MED13L: variants seen among roughly 807,000 people sequenced by gnomAD.
The protein encoded by MED13L is mediator of RNA polymerase II transcription subunit 13-like.
A neutral mutation model predicts 220.9 loss-of-function variants in MED13L; 7 were observed. The ratio of observed to expected loss-of-function variants is 0.03; its 90% CI spans 0.02 to 0.06. MED13L has a LOEUF of 0.06. MED13L is among the 10% of genes least tolerant of loss of function. The probability of loss-of-function intolerance (pLI) is 1.00; values close to 1 mark genes in which losing one functional copy is unlikely to be tolerated. For missense variants in MED13L, 1,965 were observed against 2,760.5 expected (o/e 0.71, Z 6.46); for synonymous variants, 1,011 against 1,015.2 (o/e 1.00, Z 0.08).
chr12:116,179,524 G>A (rs375288233), intron 2 of MED13L, among the ~76,000 whole-genome samples: 4 of 151,368 alleles, frequency 2.6e-5, no homozygotes, highest in Admixed American at 6.6e-5. Context: ...GGCTGAGGCC[G>A]GAGAAGCACG....
At chr12:116,002,921 T>TA in intron 14 of MED13L, 82 bp downstream of exon 14, 1 of 1,129,328 alleles carries the variant, frequency 8.9e-7, no homozygotes, top group Non-Finnish European at 1.3e-6. Flanking sequence ...CAGATAAAGA[T>TA]AAAGCACCAC....
At position 116,277,221 on chromosome 12, in the gene MED13L, GA is replaced by G. The variant is rs1217576347; in HGVS notation, c.-91del. 1.3e-6 allele frequency: 1 copy of G among 744,692 alleles called. No homozygotes were observed. The highest frequency in any genetic ancestry group is 1.6e-6 in the Non-Finnish European group (1 of 606,598). 46.1% of individuals were successfully genotyped at this position (744,692 alleles called of 1,614,324 possible). On this transcript the variant is annotated 5_prime_UTR_variant, in exon 1 of 31. Coordinates refer to ENST00000281928, the MANE Select transcript of MED13L (RefSeq NM_015335.5). The stretch of plus-strand genomic sequence containing the variant: ...GGCCGGGCGGCGGCGCCTCGCCGGG[GA>G]GCGCGGGGCGGCCGGGCCGCCGCCG...
intron 2 of MED13L, among the ~76,000 whole-genome samples, chr12:116,227,837 G>A (rs1482056076): frequency 6.6e-6 from 1 of 152,156 alleles, no homozygotes; most frequent in Admixed American, 6.5e-5. Context: ...AAATGATTAA[G>A]CTTAGTGAAG....
chr12:115,975,618 C>A lies in MED13L; in HGVS notation c.5485G>T (p.Gly1829Cys). The change falls in exon 24 of 31, where the codon GGC becomes TGC. Residue 1829 changes from glycine (G) to cysteine (C), a missense_variant. Gly to Cys is a radical substitution (Grantham distance 159, BLOSUM62 -3). Around this residue, in one of 10 missense-constraint regions of MED13L, gnomAD observed 510 missense variants for 620.4 expected, o/e 0.82. Coordinates refer to ENST00000281928, the MANE Select transcript of MED13L (RefSeq NM_015335.5). ...ASQKYNVLFV[G>C]YCLSHDQRWL... is the part of the protein sequence containing the mutation. The stretch of plus-strand genomic sequence containing the variant: ...CGCTGGTCGTGAGACAGACAATAGC[C>A]CACGAAGAGCACATTGTATTTCTGG... The A allele has an allele frequency of 6.2e-7, 1 of 1,614,102 alleles. No homozygotes were observed. Among genetic ancestry groups the A allele is most frequent in the Non-Finnish European group, 8.5e-7 (1 of 1,180,022 alleles).
At chr12:116,179,705 G>A (rs1414039978) in intron 2 of MED13L, among the ~76,000 whole-genome samples, 1 of 149,360 alleles carries the variant, frequency 6.7e-6, no homozygotes, top group African/African-American at 2.5e-5. Context: ...TTTTTTTAAA[G>A]GTTACAAGAG....
At chr12:116,256,477 T>C (rs1872057293) in intron 1 of MED13L, among the ~76,000 whole-genome samples, 1 of 152,114 alleles carries the variant, frequency 6.6e-6, no homozygotes, top group South Asian at 2.1e-4. Context: ...CAAAAGGACA[T>C]GTATGAACTT....
At chr12:116,006,260 T>A in intron 12 of MED13L, 46 bp downstream of exon 12, 1 of 1,537,432 alleles carries the variant, frequency 6.5e-7, no homozygotes, top group East Asian at 2.3e-5. Flanking sequence ...CCTTTGCATT[T>A]CATTTTAGCA....
At chr12:116,002,960 C>T in intron 14 of MED13L, 43 bp downstream of exon 14, 1 of 1,426,352 alleles carries the variant, frequency 7.0e-7, no homozygotes, top group Non-Finnish European at 9.9e-7. Context: ...ATCTAAGTTA[C>T]AGGCAGTGAG....
intron 2 of MED13L, among the ~76,000 whole-genome samples, chr12:116,216,864 G>GT (rs1159393036): frequency 6.6e-6 from 1 of 152,116 alleles, no homozygotes; most frequent in Non-Finnish European, 1.5e-5. Context: ...CAACAAAGAT[G>GT]TATCTAACTA....
chr12:116,119,862 T>C (rs928641660), intron 2 of MED13L, among the ~76,000 whole-genome samples: 3 of 122,204 alleles, frequency 2.5e-5, no homozygotes, highest in African/African-American at 9.7e-5. Context: ...TATATATATA[T>C]GAAACTTGTC....
intron 14 of MED13L, among the ~76,000 whole-genome samples, chr12:115,998,259 T>G (rs1218133526): frequency 6.6e-6 from 1 of 152,226 alleles, no homozygotes; most frequent in East Asian, 1.9e-4. Context: ...GGGGGTGGCC[T>G]ATGCAGCAAA....
rs1877448884 is a variant in MED13L at position 115,983,151 on chromosome 12, T to C, written c.4921A>G (p.Ser1641Gly). ...GCGGDTDPGQSSSQPSQDGQE... is the reference protein window; with the variant it reads ...GCGGDTDPGQGSSQPSQDGQE... ...CCATCCTGTGAGGGCTGAGAAGAGCTCTGCCCAGGGTCAGTGTCTCCACCA... is the reference window on the plus strand; with the variant it reads ...CCATCCTGTGAGGGCTGAGAAGAGCCCTGCCCAGGGTCAGTGTCTCCACCA... The change falls in exon 21 of 31, where the codon AGC (serine) becomes GGC (glycine). Residue 1641 changes from serine (S) to glycine (G), a missense_variant. Ser to Gly is a moderately conservative substitution (Grantham distance 56). Coordinates refer to ENST00000281928, the MANE Select transcript of MED13L (RefSeq NM_015335.5). 1.9e-6 allele frequency: 3 copies of C among 1,614,082 alleles called. No individual in the cohort carries two copies.
chr12:116,011,452 C>A (rs1026442403), intron 9 of MED13L, among the ~76,000 whole-genome samples: 4 of 152,104 alleles, frequency 2.6e-5, no homozygotes, highest in Non-Finnish European at 5.9e-5. Context: ...AATACGTTAT[C>A]TTTTTAAGTG....
At chr12:115,990,349 G>A (rs985584782) in intron 17 of MED13L, among the ~76,000 whole-genome samples, 2 of 152,126 alleles carry the variant, frequency 1.3e-5, no homozygotes, top group Admixed American at 6.5e-5. Context: ...TTTAATTGAT[G>A]TCCACTTCCA....
At chr12:116,260,696 C>A (rs1021153754) in intron 1 of MED13L, among the ~76,000 whole-genome samples, 1 of 152,108 alleles carries the variant, frequency 6.6e-6, no homozygotes, top group African/African-American at 2.4e-5. Context: ...TCTACAAATG[C>A]CCCCGCTATT....
chr12:116,032,350 T>G (rs1323637388), intron 4 of MED13L, among the ~76,000 whole-genome samples: 1 of 152,150 alleles, frequency 6.6e-6, no homozygotes, highest in African/African-American at 2.4e-5. Context: ...GTATCACTAT[T>G]TATAATTAAA....
At chr12:116,157,598 C>T (rs918035065) in intron 2 of MED13L, among the ~76,000 whole-genome samples, 1 of 152,216 alleles carries the variant, frequency 6.6e-6, no homozygotes, top group Non-Finnish European at 1.5e-5. Flanking sequence ...AGTGCAAGAG[C>T]ACTATGCATC....
intron 2 of MED13L, among the ~76,000 whole-genome samples, chr12:116,153,777 A>G (rs1429565077): frequency 1.3e-5 from 2 of 152,140 alleles, no homozygotes; most frequent in Non-Finnish European, 2.9e-5. Context: ...TTAATATGCA[A>G]ATAGTATATC....
Position 115,991,688 on chromosome 12 carries a change from G to A in MED13L, c.3266C>T (p.Thr1089Ile), listed in dbSNP as rs1878070910. 6.2e-7 allele frequency: 1 copy of A among 1,613,926 alleles called. No homozygotes were observed. The highest frequency in any genetic ancestry group is 8.5e-7 in the Non-Finnish European group (1 of 1,179,996). Residue 1089 changes from threonine to isoleucine, a missense_variant, in exon 17 of 31, where the codon ACA becomes ATA. Thr to Ile is a moderately conservative substitution (Grantham distance 89, BLOSUM62 -1). Coordinates refer to ENST00000281928, the MANE Select transcript of MED13L (RefSeq NM_015335.5). The surrounding 1 kb of genome is among the most constrained non-coding windows in gnomAD (Gnocchi z 7.7). The stretch of plus-strand genomic sequence containing the variant: ...GGGCTCCACAGAGTTGAGGGGCCGT[G>A]TAGTAGAGGGGGTGGAGGCTGGTGA... ...QGSPASTPST[T>I]RPLNSVEPAT...
Sources: allele counts gnomAD v4.1 joint callset (sites outside exome capture counted in the v4.1 genomes callset), GRCh38; gene constraint gnomAD v4.1.1; regional missense constraint gnomAD v4.1.1; non-coding constraint Gnocchi (gnomAD v3.1); transcripts MANE v1.5; gene names NCBI Gene and HGNC (gene_info 2026-07-23, HGNC 2026-07-21).